OXR1: variants seen among roughly 807,000 people sequenced by gnomAD.
OXR1 encodes oxidation resistance protein 1.
Under a neutral mutation model 104.6 loss-of-function variants are expected in OXR1, and 41 were observed. The ratio of observed to expected loss-of-function variants is 0.39; its 90% CI spans 0.31 to 0.51. The LOEUF (loss-of-function observed/expected upper bound fraction) is 0.51, where lower values mean the gene tolerates loss of function less well. Among genes scored for constraint, OXR1 ranks in the 20% least tolerant of loss-of-function variants. The pLI is 0.77. For synonymous variants in OXR1, 348 were observed against 348.4 expected (o/e 1.00, Z 0.01); for missense variants, 955 against 1,031.9 (o/e 0.93, Z 1.02).
chr8:106,389,454 C>G (rs1016719220), intron 2 of OXR1, among the ~76,000 whole-genome samples: 1 of 152,162 alleles, frequency 6.6e-6, no homozygotes, highest in African/African-American at 2.4e-5. Context: ...TATATCCCTA[C>G]CATGCCTATG....
At chr8:106,420,806 T>C (rs531703221) in intron 2 of OXR1, among the ~76,000 whole-genome samples, 34 of 151,700 alleles carry the variant, frequency 2.2e-4, no homozygotes, top group African/African-American at 7.5e-4. Flanking sequence ...ATGCTAATAA[T>C]TGTTAAAGAT....
chr8:106,391,778 G>A (rs531117650), intron 2 of OXR1, among the ~76,000 whole-genome samples: 2 of 151,956 alleles, frequency 1.3e-5, no homozygotes, highest in South Asian at 4.2e-4. Flanking sequence ...TATTTCTGAT[G>A]GCTAAAGCCA....
intron 2 of OXR1, among the ~76,000 whole-genome samples, chr8:106,370,792 G>C (rs1035702142): frequency 2.0e-5 from 3 of 152,094 alleles, no homozygotes; most frequent in Non-Finnish European, 4.4e-5. Context: ...TGCTGGATTT[G>C]GTTTGCTAGT....
At chr8:106,488,682 T>C (rs1340314615) in intron 2 of OXR1, among the ~76,000 whole-genome samples, 2 of 145,086 alleles carry the variant, frequency 1.4e-5, no homozygotes, top group Admixed American at 7.0e-5. Flanking sequence ...AAATAGGGAA[T>C]CCTTTCCCCA....
chr8:106,491,197 C>G (rs1309600248), intron 2 of OXR1, among the ~76,000 whole-genome samples: 5 of 152,220 alleles, frequency 3.3e-5, no homozygotes, highest in Non-Finnish European at 7.3e-5. Context: ...CTCTGCCAAT[C>G]TTACTTAGAT....
intron 6 of OXR1, among the ~76,000 whole-genome samples, chr8:106,690,789 T>C (rs183425696): frequency 6.6e-5 from 10 of 152,080 alleles, no homozygotes; most frequent in Non-Finnish European, 1.5e-4. Context: ...AAATACAGCA[T>C]ACACTGCTTC....
intron 1 of OXR1, among the ~76,000 whole-genome samples, chr8:106,301,226 A>G (rs1356025094): frequency 6.6e-6 from 1 of 152,202 alleles, no homozygotes; most frequent in African/African-American, 2.4e-5. Context: ...TGTTGTTTAT[A>G]AATTTTGCAG....
intron 2 of OXR1, among the ~76,000 whole-genome samples, chr8:106,379,691 T>C (rs1470030094): frequency 6.6e-6 from 1 of 151,682 alleles, no homozygotes. Flanking sequence ...ATGCGTGTCA[T>C]CACACCTGGC....
intron 2 of OXR1, among the ~76,000 whole-genome samples, chr8:106,386,455 T>A (rs923938419): frequency 6.6e-6 from 1 of 152,184 alleles, no homozygotes; most frequent in Admixed American, 6.5e-5. Context: ...CAAAAAGCAT[T>A]GCATTTCTGG....
At chr8:106,653,301 A>C (rs1301531925) in intron 3 of OXR1, among the ~76,000 whole-genome samples, 3 of 151,784 alleles carry the variant, frequency 2.0e-5, no homozygotes, top group African/African-American at 7.2e-5. Flanking sequence ...CCAGACGAGG[A>C]TATCACAAGG....
rs1816585809 is a variant in OXR1, at chr8:106,368,686, G to A, written c.23+9050G>A. 2.0e-5 allele frequency among the ~76,000 whole-genome samples: 3 copies of A among 152,102 alleles called. No individual in the cohort carries two copies. The South Asian group carries it at 6.2e-4, about 31-fold the overall frequency. On this transcript the variant is annotated intron_variant, in intron 2 of 16. Transcript: ENST00000517566. ...TCTGTTCCTGTGTTAGTTTACTGAG[G>A]ATGATGGCTTCCAGCTTCATCCATG...
chr8:106,640,335 C>T (rs922091940), intron 3 of OXR1, among the ~76,000 whole-genome samples: 2 of 150,512 alleles, frequency 1.3e-5, no homozygotes, highest in Non-Finnish European at 3.0e-5. Context: ...CATATATTTG[C>T]ATATTTGTAT....
chr8:106,578,766 T>C (rs1187499740), intron 3 of OXR1, among the ~76,000 whole-genome samples: 2 of 152,250 alleles, frequency 1.3e-5, no homozygotes, highest in Non-Finnish European at 2.9e-5. Context: ...TTCTAGACTC[T>C]GGGCACTAAA....
intron 3 of OXR1, among the ~76,000 whole-genome samples, chr8:106,565,094 C>T (rs1816971348): frequency 6.6e-6 from 1 of 152,154 alleles, no homozygotes; most frequent in South Asian, 2.1e-4. Context: ...CCTCCCTCAC[C>T]ACTCCTGTAC....
intron 15 of OXR1, among the ~76,000 whole-genome samples, chr8:106,743,054 G>T (rs993156359): frequency 1.3e-5 from 2 of 151,950 alleles, no homozygotes; most frequent in Non-Finnish European, 2.9e-5. Flanking sequence ...TCTGACAAAG[G>T]TCTAATATCC....
chr8:106,579,922 G>A (rs1042839114), intron 3 of OXR1, among the ~76,000 whole-genome samples: 1 of 150,704 alleles, frequency 6.6e-6, no homozygotes, highest in Non-Finnish European at 1.5e-5. Context: ...CACAGCAGAA[G>A]CATGTGCATT....
In OXR1 at chr8:106,683,211, G is replaced by T; in HGVS notation, c.316G>T (p.Asp106Tyr). Residue 106 changes from aspartate to tyrosine, a missense_variant, in exon 5 of 17, where the codon GAT (aspartate) becomes TAT (tyrosine). Asp to Tyr is a radical substitution (Grantham distance 160). Around this residue, in one of 2 missense-constraint regions of OXR1, gnomAD observed 849 missense variants for 852.9 expected, o/e 1.00. Coordinates refer to ENST00000517566, the MANE Select transcript of OXR1 (RefSeq NM_001198533.2). Reference protein sequence around the residue: ...GTIEYTVESRDSLNSIALKFD... With the variant: ...GTIEYTVESRYSLNSIALKFD... ...TTCTTTTAAACAGGTTGAATCAAGG[G>T]ATTCTTTGAATAGCATAGCCCTGAA... 1.3e-6 allele frequency: 2 copies of T among 1,551,550 alleles called. No homozygotes were observed. Among genetic ancestry groups the T allele is most frequent in the Non-Finnish European group, 1.8e-6 (2 of 1,127,242 alleles).
At chr8:106,336,037 G>A (rs1039603787) in intron 1 of OXR1, among the ~76,000 whole-genome samples, 3 of 152,102 alleles carry the variant, frequency 2.0e-5, no homozygotes, top group African/African-American at 4.8e-5. Context: ...CAGAGGTTGC[G>A]GTGAGCCAAG....
At chr8:106,353,970 A>G (rs1394386004) in intron 1 of OXR1, among the ~76,000 whole-genome samples, 1 of 151,914 alleles carries the variant, frequency 6.6e-6, no homozygotes, top group African/African-American at 2.4e-5. Context: ...TAGATCTCAC[A>G]TATGACTGAG....
Sources: gnomAD v4.1 joint callset for allele counts (sites outside exome capture counted in the v4.1 genomes callset) on GRCh38, gnomAD v4.1.1 for gene constraint, gnomAD v4.1.1 regional missense constraint, MANE v1.5 for transcripts, NCBI Gene and HGNC (gene_info 2026-07-23, HGNC 2026-07-21) for gene names.